Variants in TRAP1 observed in about 807,000 individuals in gnomAD.
The protein encoded by TRAP1 is TNF receptor associated protein 1.
TRAP1 carries 102 observed loss-of-function variants against 89.1 expected under a neutral mutation model. The observed-to-expected ratio is 1.15, with a 90% CI of 0.98 to 1.35. TRAP1 has a LOEUF of 1.35. Ranked by LOEUF, TRAP1 falls within the 40% of genes most tolerant of loss-of-function variation. TRAP1 has a pLI of 0.00. For synonymous variants in TRAP1, 508 were observed against 388.0 expected, an observed-to-expected ratio of 1.31 and a Z score of -3.64; for missense variants, 1,256 against 945.3, an observed-to-expected ratio of 1.33 and a Z score of -4.31.
At chr16:3,660,769 C>G (rs1057071341) in intron 16 of TRAP1, 7 of 152,076 alleles carry the variant, frequency 4.6e-5, no homozygotes, top group Admixed American at 1.3e-4. Context: ...AAGAACAAAA[C>G]AAAAACTGGC....
chr16:3,697,663 CAAA>C (rs563704469), intron 1 of TRAP1, among the ~76,000 whole-genome samples: 7 of 101,404 alleles, frequency 6.9e-5, no homozygotes, highest in Admixed American at 1.0e-4. Flanking sequence ...GACTCTGTCT[CAAA>C]AAAAAAAAAA....
At chr16:3,685,706 T>C (rs2051129856) in intron 4 of TRAP1, among the ~76,000 whole-genome samples, 1 of 152,212 alleles carries the variant, frequency 6.6e-6, no homozygotes, top group Admixed American at 6.5e-5. Flanking sequence ...TATGTTTAGA[T>C]ATGTTAATAC....
Position 3,664,263 on chromosome 16 carries a change from C to T in TRAP1, c.1569+11G>A, listed in dbSNP as rs376835345. On this transcript the variant is annotated intron_variant, in intron 13 of 17. Transcript: ENST00000246957. ...AGCCCCCGGAGCCCGCCCCACCCAC[C>T]GCTCACCCACCTCTGTGTCTTTCTT... The T allele has an allele frequency of 2.1e-5, 33 of 1,565,696 alleles. No individual in the cohort carries two copies. Among genetic ancestry groups the T allele is most frequent in the Middle Eastern group, 3.5e-4 (2 of 5,686 alleles).
chr16:3,695,998 C>G (rs1290656569), intron 1 of TRAP1, among the ~76,000 whole-genome samples: 1 of 152,204 alleles, frequency 6.6e-6, no homozygotes, highest in Non-Finnish European at 1.5e-5. Flanking sequence ...AATACCGGAA[C>G]ATTTACACAC....
intron 11 of TRAP1, among the ~76,000 whole-genome samples, chr16:3,669,704 G>T (rs1369936372): frequency 6.6e-6 from 1 of 151,696 alleles, no homozygotes; most frequent in African/African-American, 2.4e-5. Context: ...CGTGGTGGTG[G>T]GTGCCTGTAT....
At chr16:3,707,216 C>G (rs1225245900) in intron 1 of TRAP1, among the ~76,000 whole-genome samples, 1 of 140,096 alleles carries the variant, frequency 7.1e-6, no homozygotes, top group African/African-American at 2.7e-5. Flanking sequence ...GGCGGAGTCT[C>G]GCTCTGTCGC....
intron 11 of TRAP1, among the ~76,000 whole-genome samples, chr16:3,668,475 C>G (rs905867412): frequency 3.9e-5 from 6 of 152,202 alleles, no homozygotes; most frequent in Non-Finnish European, 8.8e-5. Context: ...GGAAGGACAT[C>G]CTTGTTTGTT....
chr16:3,700,891 A>C (rs1464067652), intron 1 of TRAP1, among the ~76,000 whole-genome samples: 2 of 152,222 alleles, frequency 1.3e-5, no homozygotes, highest in Non-Finnish European at 2.9e-5. Context: ...GGAAAGGAAA[A>C]ACAGGGAAAA....
Position 3,662,037 on chromosome 16 carries a change from G to C in TRAP1, c.1890C>G (p.Thr630=). 1.2e-6 allele frequency: 2 copies of C among 1,613,286 alleles called. No homozygotes were observed. Among genetic ancestry groups the C allele is most frequent in the Non-Finnish European group, 1.7e-6 (2 of 1,179,954 alleles). Residue 630 remains threonine, a synonymous_variant, in exon 16 of 18, where the codon ACC becomes ACG. Transcript: ENST00000246957. ...HFLRMQQLAK[T]QEERAQLLQP... ...GCAGGAGCTGTGCGCGCTCCTCCTGGGTCTTGGCCAGCTGCTGCATGCGCA... is the reference window on the plus strand; with the variant it reads ...GCAGGAGCTGTGCGCGCTCCTCCTGCGTCTTGGCCAGCTGCTGCATGCGCA...
intron 1 of TRAP1, among the ~76,000 whole-genome samples, chr16:3,693,788 T>C (rs1177966334): frequency 6.6e-6 from 1 of 151,396 alleles, no homozygotes; most frequent in Non-Finnish European, 1.5e-5. Context: ...AGCCCAGGGG[T>C]TTAAGACCAG....
chr16:3,692,350 A>G (rs558495145), intron 1 of TRAP1, among the ~76,000 whole-genome samples: 1 of 152,200 alleles, frequency 6.6e-6, no homozygotes, highest in East Asian at 1.9e-4. Flanking sequence ...AGCCTGGCCA[A>G]CATGGAGAAA....
In TRAP1 at chr16:3,717,455, C is replaced by A; in HGVS notation, c.54G>T (p.Leu18Phe). ...LLLWGRRLRP[L>F]LRAPALAAVP... ...CGGCCGCCAGCGCCGGCGCCCGCAGCAAAGGCCGCAGGCGGCGGCCCCACA... is the reference window on the plus strand; with the variant it reads ...CGGCCGCCAGCGCCGGCGCCCGCAGAAAAGGCCGCAGGCGGCGGCCCCACA... Residue 18 changes from leucine to phenylalanine, a missense_variant, in exon 1 of 18, where the codon TTG (leucine) becomes TTT (phenylalanine). Coordinates refer to ENST00000246957, the MANE Select transcript of TRAP1 (RefSeq NM_016292.3). The A allele has an allele frequency of 1.6e-6, 2 of 1,288,268 alleles. No homozygotes were observed. The highest frequency in any genetic ancestry group is 2.0e-6 in the Non-Finnish European group (2 of 1,025,548). The allele number at this position is 1,288,268 out of a possible 1,614,324, so 79.8% of individuals were successfully genotyped here. A position where few individuals can be genotyped will look rare whatever the true frequency, so the allele number is the denominator to read the frequency against.
At chr16:3,696,852 G>C (rs949384438) in intron 1 of TRAP1, among the ~76,000 whole-genome samples, 16 of 151,130 alleles carry the variant, frequency 1.1e-4, no homozygotes, top group Non-Finnish European at 4.4e-5. Flanking sequence ...TCAACCTTCC[G>C]AGTAGCTGAG....
At chr16:3,705,935 G>T (rs369815023) in intron 1 of TRAP1, among the ~76,000 whole-genome samples, 4 of 149,382 alleles carry the variant, frequency 2.7e-5, no homozygotes, top group African/African-American at 7.4e-5. Context: ...TCAGGTGATC[G>T]GCCCACCTCG....
chr16:3,698,403 C>T (rs1035985349), intron 1 of TRAP1, among the ~76,000 whole-genome samples: 1 of 151,702 alleles, frequency 6.6e-6, no homozygotes, highest in Non-Finnish European at 1.5e-5. Flanking sequence ...CTCCGCCTCC[C>T]GGATTCATGC....
intron 1 of TRAP1, among the ~76,000 whole-genome samples, chr16:3,692,566 T>C (rs1163705670): frequency 2.0e-5 from 3 of 149,950 alleles, no homozygotes; most frequent in African/African-American, 7.3e-5. Flanking sequence ...ATATCAACTT[T>C]CATACTCCTA....
At chr16:3,698,952 C>A (rs1448612369) in intron 1 of TRAP1, among the ~76,000 whole-genome samples, 1 of 151,874 alleles carries the variant, frequency 6.6e-6, no homozygotes, top group African/African-American at 2.4e-5. Flanking sequence ...GAACCAGATA[C>A]CAAACACGCT....
chr16:3,671,233 G>T (rs1022817646), intron 11 of TRAP1, among the ~76,000 whole-genome samples: 2 of 152,288 alleles, frequency 1.3e-5, no homozygotes, highest in South Asian at 4.1e-4. Flanking sequence ...TCATCTCTAG[G>T]TGAGAGCACA....
rs2074804 is a variant in TRAP1, at chr16:3,674,609, G to A, written c.889-115C>T. On this transcript the variant is annotated intron_variant, in intron 8 of 17. Coordinates refer to ENST00000246957, the MANE Select transcript of TRAP1 (RefSeq NM_016292.3). ...CCCTGGACAGGCTCCTGGGACAGAC[G>A]GGCGGTGGTCTCAGGCGTAGACCCC... is the stretch of plus-strand genomic sequence containing the variant. The A allele has an allele frequency of 2.2e-4, 287 of 1,334,220 alleles. No homozygotes were observed. The East Asian group carries it at 4.8e-3, about 22-fold the overall frequency. The allele number at this position is 1,334,220 out of a possible 1,614,324, so 82.6% of individuals were successfully genotyped here.
Sources: gnomAD v4.1 joint callset for allele counts (sites outside exome capture counted in the v4.1 genomes callset) on GRCh38, gnomAD v4.1.1 for gene constraint, MANE v1.5 for transcripts, NCBI Gene and HGNC (gene_info 2026-07-23, HGNC 2026-07-21) for gene names.